The following TBC1D9 variants were observed in gnomAD, a reference collection of about 807,000 sequenced individuals.
TBC1D9 encodes TBC1 domain family member 9A.
Under a neutral mutation model 132.0 loss-of-function variants are expected in TBC1D9, and 63 were observed. The observed-to-expected ratio is 0.48, with a 90% CI of 0.39 to 0.59. The LOEUF is 0.59. Ranked by LOEUF, TBC1D9 falls within the 20% of genes least tolerant of loss-of-function variation. The probability of loss-of-function intolerance (pLI) is 0.00; values close to 1 mark genes in which losing one functional copy is unlikely to be tolerated. For synonymous variants in TBC1D9, 610 were observed against 609.9 expected, an observed-to-expected ratio of 1.00 and a Z score of 0.00; for missense variants, 1,261 against 1,592.7, an observed-to-expected ratio of 0.79 and a Z score of 3.54.
At chr4:140,727,065 A>C (rs1738512828) in intron 1 of TBC1D9, among the ~76,000 whole-genome samples, 2 of 152,236 alleles carry the variant, frequency 1.3e-5, no homozygotes, top group Admixed American at 6.5e-5. Flanking sequence ...TTATCTTGTT[A>C]GCATTCTTAA....
At chr4:140,669,328 C>G (rs1737499042) in intron 8 of TBC1D9, among the ~76,000 whole-genome samples, 1 of 152,060 alleles carries the variant, frequency 6.6e-6, no homozygotes, top group Admixed American at 6.5e-5. Context: ...TATGTCTGCA[C>G]CCCCAAGTGA....
intron 1 of TBC1D9, among the ~76,000 whole-genome samples, chr4:140,731,326 T>A (rs932288800): frequency 2.6e-5 from 4 of 152,154 alleles, no homozygotes; most frequent in Admixed American, 6.6e-5. Flanking sequence ...TATTACATAT[T>A]ATTAGGATCA....
At chr4:140,677,128 T>C in intron 5 of TBC1D9, 27 bp from the exon 6 acceptor site, 1 of 1,610,426 alleles carries the variant, frequency 6.2e-7, no homozygotes, top group South Asian at 1.1e-5. Flanking sequence ...ACAATTCACA[T>C]AAGAAAAATG....
rs142271402 is a variant in TBC1D9 at position 140,753,086 on chromosome 4, G to C, written c.130+2830C>G. On this transcript the variant is annotated intron_variant, in intron 1 of 20. Transcript: ENST00000442267. ...TAAGCTCAAGCGTCACTTCCTCAAG[G>C]AATCTTTCCTTTGCCTCCACCTCCA... 4.1e-3 allele frequency among the ~76,000 whole-genome samples: 627 copies of C among 152,044 alleles called. 3 individuals carry two copies. The highest frequency in any genetic ancestry group is 0.014 in the African/African-American group (596 of 41,444).
At chr4:140,662,182 T>C (rs1737372245) in intron 9 of TBC1D9, 75 bp from the exon 10 acceptor site, 5 of 1,149,914 alleles carry the variant, frequency 4.3e-6, no homozygotes, top group Non-Finnish European at 6.6e-6. Context: ...CAGCTTATGA[T>C]TGAACTGCTT....
chr4:140,742,246 A>G (rs1578864203), intron 1 of TBC1D9, among the ~76,000 whole-genome samples: 1 of 152,254 alleles, frequency 6.6e-6, no homozygotes, highest in East Asian at 1.9e-4. Context: ...ACCTTAAAAA[A>G]TGACTCGCCG....
chr4:140,719,736 A>G (rs1448652346), intron 1 of TBC1D9, among the ~76,000 whole-genome samples: 2 of 152,200 alleles, frequency 1.3e-5, no homozygotes, highest in Admixed American at 6.5e-5. Context: ...CAATCATTAG[A>G]ATGGTCATTT....
chr4:140,623,454 G>A (rs559399239), intron 20 of TBC1D9, among the ~76,000 whole-genome samples: 1 of 152,148 alleles, frequency 6.6e-6, no homozygotes, highest in African/African-American at 2.4e-5. Context: ...AGCTCACCTC[G>A]AGTCAAGAAG....
At chr4:140,751,825 T>C (rs183819924) in intron 1 of TBC1D9, among the ~76,000 whole-genome samples, 20 of 152,156 alleles carry the variant, frequency 1.3e-4, no homozygotes, top group African/African-American at 4.6e-4. Flanking sequence ...AATAAACATA[T>C]GGAAAAATGC....
intron 1 of TBC1D9, among the ~76,000 whole-genome samples, chr4:140,730,109 C>T (rs1297097291): frequency 6.6e-6 from 1 of 152,182 alleles, no homozygotes; most frequent in Non-Finnish European, 1.5e-5. Context: ...TGTGTAACTT[C>T]ATAAAGCTTC....
At chr4:140,721,128 A>C (rs1738417230) in intron 1 of TBC1D9, among the ~76,000 whole-genome samples, 1 of 152,190 alleles carries the variant, frequency 6.6e-6, no homozygotes, top group Non-Finnish European at 1.5e-5. Context: ...CTGAGGGTGC[A>C]GCGGGGTCTG....
chr4:140,643,172 C>T, intron 13 of TBC1D9: 1 of 1,441,078 alleles, frequency 6.9e-7, no homozygotes, highest in Middle Eastern at 2.0e-4. Context: ...TGCCGGCTGC[C>T]AGCAGGCTCT....
At position 140,678,121 on chromosome 4, in the gene TBC1D9, C is replaced by T. The variant is rs554449010; in HGVS notation, c.851+821G>A. ...CTTGTCTTTTATTTTTTATTTGATCCGCTGCAGTAGCAGCATCTATCTTAC... is the reference window on the plus strand; with the variant it reads ...CTTGTCTTTTATTTTTTATTTGATCTGCTGCAGTAGCAGCATCTATCTTAC... On this transcript the variant is annotated intron_variant, in intron 5 of 20. Transcript: ENST00000442267. Among the ~76,000 whole-genome samples, 137 of 151,980 alleles carry T rather than the reference C, an allele frequency of 9.0e-4. 2 individuals carry two copies. The highest frequency in any genetic ancestry group is 7.1e-3 in the South Asian group (34 of 4,814).
chr4:140,643,774 A>G (rs962621662), intron 13 of TBC1D9: 2 of 971,928 alleles, frequency 2.1e-6, no homozygotes, highest in African/African-American at 3.2e-5. Context: ...AAGTCTGGGC[A>G]CTCAGAGGGC....
intron 1 of TBC1D9, among the ~76,000 whole-genome samples, chr4:140,741,287 A>G (rs2111078097): frequency 6.6e-6 from 1 of 152,342 alleles, no homozygotes; most frequent in Admixed American, 6.5e-5. Flanking sequence ...TCTTTGACAT[A>G]TTTAAAGTGG....
At chr4:140,624,471 G>C in intron 18 of TBC1D9, 83 bp from the exon 19 acceptor site, 1 of 1,232,750 alleles carries the variant, frequency 8.1e-7, no homozygotes, top group African/African-American at 1.5e-5. Flanking sequence ...GAAAATAGAA[G>C]ACTCTCTAAG....
intron 2 of TBC1D9, among the ~76,000 whole-genome samples, chr4:140,698,320 C>T (rs1192455809): frequency 6.6e-6 from 1 of 152,186 alleles, no homozygotes; most frequent in Non-Finnish European, 1.5e-5. Flanking sequence ...CTCACTCAAT[C>T]CCCATTCTTC....
At chr4:140,623,657 T>C (rs1320271721) in intron 20 of TBC1D9, among the ~76,000 whole-genome samples, 1 of 152,232 alleles carries the variant, frequency 6.6e-6, no homozygotes, top group Admixed American at 6.5e-5. Context: ...AGTAATGCTT[T>C]AGTGCTTTCA....
chr4:140,723,323 G>A (rs1738451178), intron 1 of TBC1D9, among the ~76,000 whole-genome samples: 1 of 152,106 alleles, frequency 6.6e-6, no homozygotes, highest in South Asian at 2.1e-4. Context: ...CCTGGCTTCA[G>A]GTCTTTACTT....
Sources: gnomAD v4.1 joint callset for allele counts (sites outside exome capture counted in the v4.1 genomes callset) on GRCh38, gnomAD v4.1.1 for gene constraint, MANE v1.5 for transcripts, NCBI Gene and HGNC (gene_info 2026-07-23, HGNC 2026-07-21) for gene names.